NAV2: variants seen among roughly 807,000 people sequenced by gnomAD.
NAV2 encodes the protein helicase, APC down-regulated 1.
NAV2 carries 54 observed loss-of-function variants against 223.2 expected under a neutral mutation model. That is an observed-to-expected ratio of 0.24 (90% CI 0.19 to 0.30). NAV2 has a LOEUF of 0.30. NAV2 is among the 10% of genes least tolerant of loss of function. NAV2 has a pLI of 1.00. For synonymous variants in NAV2, 1,279 were observed against 1,239.3 expected, an observed-to-expected ratio of 1.03 and a Z score of -0.67; for missense variants, 2,806 against 3,147.5, an observed-to-expected ratio of 0.89 and a Z score of 2.60.
intron 1 of NAV2, among the ~76,000 whole-genome samples, chr11:19,388,817 A>G (rs1849140619): frequency 6.6e-6 from 1 of 152,230 alleles, no homozygotes; most frequent in Non-Finnish European, 1.5e-5. Flanking sequence ...TACATTGTCT[A>G]TAATCCCTAC....
intron 10 of NAV2, among the ~76,000 whole-genome samples, chr11:19,971,569 C>G (rs1816878847): frequency 6.6e-6 from 1 of 152,148 alleles, no homozygotes; most frequent in Admixed American, 6.5e-5. Flanking sequence ...TCATATGCAA[C>G]TTTTGTGGAT....
At chr11:19,367,296 G>T (rs1262108096) in intron 1 of NAV2, among the ~76,000 whole-genome samples, 1 of 152,126 alleles carries the variant, frequency 6.6e-6, no homozygotes. Context: ...CCACTGGGTT[G>T]GGAGCCTTTC....
intron 11 of NAV2, among the ~76,000 whole-genome samples, chr11:20,033,984 TG>T (rs1282996456): frequency 6.6e-6 from 1 of 152,236 alleles, no homozygotes; most frequent in Non-Finnish European, 1.5e-5. Context: ...CTGCCACTCC[TG>T]GCTGAGCGGC....
Position 19,436,474 on chromosome 11 carries a change from T to C in NAV2, c.75+85447T>C, listed in dbSNP as rs933781297. ...CAGTAACATGCTGTTTTGATTACTA[T>C]AGCTTTGTAATACATTTTGAAATCT... On this transcript the variant is annotated intron_variant, in intron 1 of 37. Coordinates refer to the NAV2 transcript ENST00000360655. 3.3e-5 allele frequency among the ~76,000 whole-genome samples: 5 copies of C among 152,332 alleles called. No homozygotes were observed. In the South Asian group the frequency reaches 1.0e-3, roughly 32 times the overall value.
At chr11:20,027,076 C>T (rs1208741044) in intron 11 of NAV2, among the ~76,000 whole-genome samples, 1 of 152,234 alleles carries the variant, frequency 6.6e-6, no homozygotes, top group African/African-American at 2.4e-5. Flanking sequence ...AGGTAGGACT[C>T]TGCAGGAGCC....
intron 11 of NAV2, among the ~76,000 whole-genome samples, chr11:20,016,383 C>T (rs2054004869): frequency 6.6e-6 from 1 of 152,206 alleles, no homozygotes; most frequent in Non-Finnish European, 1.5e-5. Flanking sequence ...GCATGGATAA[C>T]AGATTGGATA....
chr11:19,695,313 T>C (rs1411936380), intron 1 of NAV2, among the ~76,000 whole-genome samples: 1 of 152,196 alleles, frequency 6.6e-6, no homozygotes, highest in African/African-American at 2.4e-5. Flanking sequence ...ATAATGGAAG[T>C]GGTTATTTAA....
At chr11:20,080,278 C>T in intron 25 of NAV2, 69 bp downstream of exon 25, 3 of 1,466,456 alleles carry the variant, frequency 2.0e-6, no homozygotes, top group Non-Finnish European at 2.8e-6. Flanking sequence ...GCTGCATCTC[C>T]CCAGATAAAG....
chr11:19,811,147 T>C (rs149790669), intron 1 of NAV2, among the ~76,000 whole-genome samples: 2,651 of 152,348 alleles, frequency 0.017, 33 homozygotes, highest in Middle Eastern at 0.051. Context: ...GCTTTCTAAA[T>C]ATTATCCAGT....
chr11:19,975,987 G>A (rs1565680091), intron 10 of NAV2, among the ~76,000 whole-genome samples: 1 of 152,144 alleles, frequency 6.6e-6, no homozygotes, highest in Non-Finnish European at 1.5e-5. Flanking sequence ...GGATTTGGTT[G>A]TAGTTGTTTT....
chr11:19,559,206 A>G (rs1432454920), intron 1 of NAV2, among the ~76,000 whole-genome samples: 1 of 152,216 alleles, frequency 6.6e-6, no homozygotes, highest in African/African-American at 2.4e-5. Flanking sequence ...CATGGAAGCC[A>G]CCTTCACAGC....
chr11:20,094,396 A>C (rs1016518712), intron 29 of NAV2, among the ~76,000 whole-genome samples: 1 of 151,600 alleles, frequency 6.6e-6, no homozygotes, highest in African/African-American at 2.4e-5. Flanking sequence ...TGCCCGGCTA[A>C]TTTTTGTATT....
chr11:19,428,062 AC>A (rs755304197), intron 1 of NAV2, among the ~76,000 whole-genome samples: 9 of 151,910 alleles, frequency 5.9e-5, no homozygotes, highest in Non-Finnish European at 1.2e-4. Flanking sequence ...GAACTTCTTT[AC>A]CCTGAGGTTG....
At chr11:19,950,831 A>T (rs1159857343) in intron 10 of NAV2, among the ~76,000 whole-genome samples, 3 of 152,228 alleles carry the variant, frequency 2.0e-5, no homozygotes, top group Non-Finnish European at 4.4e-5. Context: ...TATAGGGGAG[A>T]TTGTCCAATT....
chr11:19,690,622 T>C (rs1290017988), intron 1 of NAV2, among the ~76,000 whole-genome samples: 8 of 152,204 alleles, frequency 5.3e-5, no homozygotes, highest in African/African-American at 1.9e-4. Flanking sequence ...TGGGGACACA[T>C]GTGTTGGTTC....
chr11:20,069,439 G>A (rs2059259143), intron 22 of NAV2, among the ~76,000 whole-genome samples: 2 of 152,126 alleles, frequency 1.3e-5, no homozygotes, highest in South Asian at 2.1e-4. Flanking sequence ...GAAGTTAGCA[G>A]ACACCTCTCA....
At chr11:19,647,466 C>T (rs953741696) in intron 1 of NAV2, among the ~76,000 whole-genome samples, 4 of 152,130 alleles carry the variant, frequency 2.6e-5, no homozygotes, top group African/African-American at 9.7e-5. Context: ...CTCCCTCCAG[C>T]ACCAACATCA....
At chr11:19,670,658 G>T (rs2048551418) in intron 1 of NAV2, among the ~76,000 whole-genome samples, 1 of 152,208 alleles carries the variant, frequency 6.6e-6, no homozygotes, top group African/African-American at 2.4e-5. Flanking sequence ...GAGGAGGCGG[G>T]TGCTAATTGC....
At chr11:19,821,828 CCT>C (rs912893050) in intron 1 of NAV2, among the ~76,000 whole-genome samples, 1 of 152,076 alleles carries the variant, frequency 6.6e-6, no homozygotes, top group African/African-American at 2.4e-5. Flanking sequence ...TATGCCTTTC[CCT>C]CTCTCTCTGC....
Sources: gnomAD v4.1 joint callset for allele counts (sites outside exome capture counted in the v4.1 genomes callset) on GRCh38, gnomAD v4.1.1 for gene constraint, MANE v1.5 for transcripts, NCBI Gene and HGNC (gene_info 2026-07-23, HGNC 2026-07-21) for gene names.